ADGRB2: variants seen among roughly 807,000 people sequenced by gnomAD.
The protein encoded by ADGRB2 is brain-specific angiogenesis inhibitor 2.
In ADGRB2, 47 loss-of-function variants were observed where a neutral mutation model predicts 178.7. That is an observed-to-expected ratio of 0.26 (90% CI 0.21 to 0.34). The LOEUF (loss-of-function observed/expected upper bound fraction) is 0.34. Among genes scored for constraint, ADGRB2 ranks in the 10% least tolerant of loss-of-function variants. The pLI is 1.00. For synonymous variants in ADGRB2, 870 were observed against 912.4 expected, an observed-to-expected ratio of 0.95 and a Z score of 0.84; for missense variants, 1,584 against 2,180.8, an observed-to-expected ratio of 0.73 and a Z score of 5.45.
At position 31,739,653 on chromosome 1, in the gene ADGRB2, T is replaced by A. The variant is rs12749187; in HGVS notation, c.2168-18A>T. The A allele has an allele frequency of 6.4e-7, 1 of 1,560,028 alleles. No homozygotes were observed. Among genetic ancestry groups the A allele is most frequent in the East Asian group, 2.3e-5 (1 of 44,266 alleles). ...GCTGATCACTGCAGTGGGAGGAGGGTGGACAGAGACAGACAGAGGGGCAGA... is the reference window on the plus strand; with the variant it reads ...GCTGATCACTGCAGTGGGAGGAGGGAGGACAGAGACAGACAGAGGGGCAGA... On this transcript the variant is annotated intron_variant, in intron 14 of 32. Coordinates refer to ENST00000373658, the MANE Select transcript of ADGRB2 (RefSeq NM_001364857.2).
In ADGRB2 at chr1:31,744,299, C is replaced by T; in HGVS notation, c.981G>A (p.Gln327=). The T allele has an allele frequency of 1.3e-6, 2 of 1,551,426 alleles. No homozygotes were observed. The highest frequency in any genetic ancestry group is 1.7e-6 in the Non-Finnish European group (2 of 1,146,922). The stretch of plus-strand genomic sequence containing the variant: ...AGGAGCGGGTCCGCACCTGCAGACC[C>T]TGCCCACACGTCAGGGAACACACGC... The part of the protein sequence containing the change: ...PWSVCSLTCG[Q]GLQVRTRSCV... The change falls in exon 6 of 33, where the codon CAG becomes CAA. Residue 327 remains glutamine (Q), a synonymous_variant. Coordinates refer to ENST00000373658, the MANE Select transcript of ADGRB2 (RefSeq NM_001364857.2). The surrounding 1 kb of genome is among the most constrained non-coding windows in gnomAD (Gnocchi z 6.7).
chr1:31,735,236 C>T lies in ADGRB2; in HGVS notation c.3399G>A (p.Ala1133=), dbSNP rs894140012. 5 of 1,466,024 alleles carry T rather than the reference C, an allele frequency of 3.4e-6. No homozygotes were observed. The highest frequency in any genetic ancestry group is 2.5e-5 in the East Asian group (1 of 40,062). 90.8% of individuals were successfully genotyped at this position (1,466,024 alleles called of 1,614,324 possible). The change falls in exon 25 of 33, where the codon GCG becomes GCA. Residue 1133 remains alanine (A), a synonymous_variant. Coordinates refer to ENST00000373658, the MANE Select transcript of ADGRB2 (RefSeq NM_001364857.2). The surrounding 1 kb of genome is among the most constrained non-coding windows in gnomAD (Gnocchi z 6.0). The part of the protein sequence containing the change: ...PWASLLLPCS[A]CGAVPSPLLS... ...GCAGGGGGCTGGGGACCGCTCCACACGCTGAGCAGGGGAGGAGCAGGCTGG... is the reference window on the plus strand; with the variant it reads ...GCAGGGGGCTGGGGACCGCTCCACATGCTGAGCAGGGGAGGAGCAGGCTGG...
Position 31,764,046 on chromosome 1 carries a change from A to T in ADGRB2, c.-353T>A. On this transcript the variant is annotated 5_prime_UTR_variant, in exon 1 of 33. Transcript: ENST00000373658. This position sits in a 1 kb window ranked among gnomAD's most constrained non-coding sequence, Gnocchi z 7.3. ...GCTCTCCCGGGCGGCGGGTGCAGAA[A>T]AGGCGCCGCGGAGCAGCGCGGGGCG... 1.1e-6 allele frequency: 1 copy of T among 875,060 alleles called. No individual in the cohort carries two copies. The highest frequency in any genetic ancestry group is 1.4e-6 in the Non-Finnish European group (1 of 737,952). 54.2% of individuals were successfully genotyped at this position (875,060 alleles called of 1,614,324 possible). A position where few individuals can be genotyped will look rare whatever the true frequency, so the allele number is the denominator to read the frequency against.
Position 31,741,682 on chromosome 1 carries a change from C to G in ADGRB2, c.1629G>C (p.Thr543=), listed in dbSNP as rs750260742. The stretch of plus-strand genomic sequence containing the variant: ...TCTCGCCAGCAGCTGCCTTCTTCCA[C>G]GTCATCAGCATCACGTACTCATCCC... ...MCRDEYVMLM[T]WKKAAAGEII... Residue 543 remains threonine (T), a synonymous_variant, in exon 10 of 33, where the codon ACG becomes ACC. Transcript: ENST00000373658. The surrounding 1 kb of genome is among the most constrained non-coding windows in gnomAD (Gnocchi z 6.5). 1.6e-5 allele frequency: 26 copies of G among 1,613,946 alleles called. No individual in the cohort carries two copies. The Middle Eastern group carries it at 4.9e-4, about 31-fold the overall frequency.
chr1:31,739,198 G>A, intron 15 of ADGRB2, 110 bp downstream of exon 15: 1 of 1,196,994 alleles, frequency 8.4e-7, no homozygotes, highest in East Asian at 2.6e-5. Flanking sequence ...CCTGAAGGTG[G>A]AGGAGGCTGC....
In ADGRB2 at chr1:31,756,229, C is replaced by T. The variant is rs774342144; in HGVS notation, c.608G>A (p.Arg203His). ...AGCGCGGCCACACTCCTCACTCCAG[C>T]GGCAGAGCACACCACAGGTGAATTG... ...SSQFTCGVLC[R>H]WSEECGRAAG... The change falls in exon 4 of 33, where the codon CGC becomes CAC. Residue 203 changes from arginine (R) to histidine (H), a missense_variant. Transcript: ENST00000373658. The surrounding 1 kb of genome is among the most constrained non-coding windows in gnomAD (Gnocchi z 8.5). 6.9e-5 allele frequency: 111 copies of T among 1,613,466 alleles called. 1 individual carries two copies. The highest frequency in any genetic ancestry group is 9.1e-5 in the Non-Finnish European group (107 of 1,179,948).
At position 31,744,442 on chromosome 1, in the gene ADGRB2, G is replaced by C; in HGVS notation, c.923-85C>G. 2.6e-6 allele frequency: 4 copies of C among 1,516,244 alleles called. No homozygotes were observed. The highest frequency in any genetic ancestry group is 3.5e-6 in the Non-Finnish European group (4 of 1,129,920). The allele number at this position is 1,516,244 out of a possible 1,614,324, so 93.9% of individuals were successfully genotyped here. A position where few individuals can be genotyped will look rare whatever the true frequency, so the allele number is the denominator to read the frequency against. On this transcript the variant is annotated intron_variant, in intron 5 of 32. Coordinates refer to ENST00000373658, the MANE Select transcript of ADGRB2 (RefSeq NM_001364857.2). The surrounding 1 kb of genome is among the most constrained non-coding windows in gnomAD (Gnocchi z 6.7). ...GGATAGGGGGAGTGGCAGTAAGGTG[G>C]GGGCAGGCATCAGAGGGCTCCTCCT... is the stretch of plus-strand genomic sequence containing the variant.
rs1032785535 is a variant in ADGRB2 at position 31,761,157 on chromosome 1, G to A, written c.-191+2727C>T. On this transcript the variant is annotated intron_variant, in intron 1 of 32. Transcript: ENST00000373658. The surrounding 1 kb of genome is among the most constrained non-coding windows in gnomAD (Gnocchi z 4.2). ...TTTGTTCCCCAATGTCAGGGCTGCCGGGGCAGGCGGGTGATGAGGAGGCTG... is the reference window on the plus strand; with the variant it reads ...TTTGTTCCCCAATGTCAGGGCTGCCAGGGCAGGCGGGTGATGAGGAGGCTG... 4 of 152,252 alleles carry A rather than the reference G, an allele frequency of 2.6e-5. No homozygotes were observed. The highest frequency in any genetic ancestry group is 2.0e-4 in the Admixed American group (3 of 15,278). 9.4% of individuals were successfully genotyped at this position (152,252 alleles called of 1,614,324 possible).
rs375174610 is a variant in ADGRB2 at position 31,731,075 on chromosome 1, C to T, written c.4105G>A (p.Gly1369Ser). ...LSLQPGGGGG[G>S]GEDAPRARPE... is the part of the protein sequence containing the mutation. ...CGGGCCCTGGGGGCATCCTCACCAC[C>T]TCCACCCCCACCGCCAGGCTGCAGG... The change falls in exon 29 of 33, where the codon GGT becomes AGT. Residue 1369 changes from glycine (G) to serine (S), a missense_variant. Gly to Ser is a moderately conservative substitution (Grantham distance 56). Coordinates refer to ENST00000373658, the MANE Select transcript of ADGRB2 (RefSeq NM_001364857.2). The T allele has an allele frequency of 6.7e-5, 106 of 1,577,256 alleles. No individual in the cohort carries two copies. The highest frequency in any genetic ancestry group is 8.6e-5 in the Non-Finnish European group (100 of 1,161,892).
chr1:31,739,644 G>A lies in ADGRB2; in HGVS notation c.2168-9C>T. 1 of 1,568,666 alleles carries A rather than the reference G, an allele frequency of 6.4e-7. No homozygotes were observed. Among genetic ancestry groups the A allele is most frequent in the Non-Finnish European group, 8.7e-7 (1 of 1,154,688 alleles). On this transcript the variant is annotated splice_polypyrimidine_tract_variant and intron_variant, in intron 14 of 32. Coordinates refer to ENST00000373658, the MANE Select transcript of ADGRB2 (RefSeq NM_001364857.2). ...TCGCTGAATGCTGATCACTGCAGTG[G>A]GAGGAGGGTGGACAGAGACAGACAG...
Position 31,735,779 on chromosome 1 carries a change from T to A in ADGRB2, c.3267+48A>T. 1.3e-6 allele frequency: 2 copies of A among 1,594,952 alleles called. No individual in the cohort carries two copies. The highest frequency in any genetic ancestry group is 1.7e-6 in the Non-Finnish European group (2 of 1,168,398). On this transcript the variant is annotated intron_variant, in intron 23 of 32. Transcript: ENST00000373658. This position sits in a 1 kb window ranked among gnomAD's most constrained non-coding sequence, Gnocchi z 6.0. ...GGAGGAGGTAGAGGGAGAAACAGGA[T>A]GACCCTCTGGGGCCATGCCCCTTCC...
chr1:31,729,593 C>A (rs1371626570), intron 29 of ADGRB2, among the ~76,000 whole-genome samples: 3 of 152,268 alleles, frequency 2.0e-5, no homozygotes, highest in African/African-American at 7.2e-5. Flanking sequence ...GCCCCACAGG[C>A]ACTGCACATG....
chr1:31,740,929 T>TACACA lies in ADGRB2; in HGVS notation c.1795-389_1795-388insTGTGT, dbSNP rs1557760334. 1.1e-5 allele frequency among the ~76,000 whole-genome samples: 1 copy of TACACA among 93,770 alleles called. No individual in the cohort carries two copies. Among genetic ancestry groups the TACACA allele is most frequent in the Non-Finnish European group, 2.4e-5 (1 of 42,174 alleles). The allele number at this position is 93,770 out of a possible 152,430, so 61.5% of individuals were successfully genotyped here. On this transcript the variant is annotated intron_variant, in intron 11 of 32. Coordinates refer to ENST00000373658, the MANE Select transcript of ADGRB2 (RefSeq NM_001364857.2). The surrounding 1 kb of genome is among the most constrained non-coding windows in gnomAD (Gnocchi z 5.9). ...CACACACACACACACACACACACTG[T>TACACA]CTTTCTCTCTCTCACTCTCTCTCAA...
At chr1:31,732,920 A>G in intron 26 of ADGRB2, 52 bp downstream of exon 26, 1 of 1,527,848 alleles carries the variant, frequency 6.5e-7, no homozygotes, top group East Asian at 2.4e-5. Context: ...GGAGAAGCCA[A>G]GGGCCTGGCA....
In ADGRB2 at chr1:31,744,462, C is replaced by T. The variant is rs1326240749; in HGVS notation, c.923-105G>A. 7 of 1,481,564 alleles carry T rather than the reference C, an allele frequency of 4.7e-6. No individual in the cohort carries two copies. Among genetic ancestry groups the T allele is most frequent in the Non-Finnish European group, 6.4e-6 (7 of 1,100,342 alleles). 91.8% of individuals were successfully genotyped at this position (1,481,564 alleles called of 1,614,324 possible). On this transcript the variant is annotated intron_variant, in intron 5 of 32. Transcript: ENST00000373658. The surrounding 1 kb of genome is among the most constrained non-coding windows in gnomAD (Gnocchi z 6.7). ...AGGTGGGGGCAGGCATCAGAGGGCT[C>T]CTCCTACCCTGACCCCAAGTAACAG...
Position 31,735,152 on chromosome 1 carries a change from C to T in ADGRB2, c.3452+31G>A. 1 of 1,407,130 alleles carries T rather than the reference C, an allele frequency of 7.1e-7. No individual in the cohort carries two copies. Among genetic ancestry groups the T allele is most frequent in the Non-Finnish European group, 9.3e-7 (1 of 1,071,846 alleles). The allele number at this position is 1,407,130 out of a possible 1,614,324, so 87.2% of individuals were successfully genotyped here. Reference sequence around the variant, plus strand: ...CCCCCCAATTCCTTTGCCCCACCCACCCCCACCGCCCCCCAGGGGGCACGA... The same window carrying T: ...CCCCCCAATTCCTTTGCCCCACCCATCCCCACCGCCCCCCAGGGGGCACGA... On this transcript the variant is annotated intron_variant, in intron 25 of 32. Coordinates refer to ENST00000373658, the MANE Select transcript of ADGRB2 (RefSeq NM_001364857.2). The surrounding 1 kb of genome is among the most constrained non-coding windows in gnomAD (Gnocchi z 6.0).
intron 6 of ADGRB2, chr1:31,743,639 A>C (rs1646110524): frequency 6.5e-6 from 1 of 153,226 alleles, no homozygotes; most frequent in East Asian, 1.9e-4. Flanking sequence ...AGCAAGGAGC[A>C]GGACTGGCTG....
Position 31,761,262 on chromosome 1 carries a change from G to A in ADGRB2, c.-191+2622C>T, listed in dbSNP as rs1647035609. Among the ~76,000 whole-genome samples, 1 of 152,124 alleles carries A rather than the reference G, an allele frequency of 6.6e-6. No homozygotes were observed. The highest frequency in any genetic ancestry group is 1.5e-5 in the Non-Finnish European group (1 of 67,990). On this transcript the variant is annotated intron_variant, in intron 1 of 32. Coordinates refer to ENST00000373658, the MANE Select transcript of ADGRB2 (RefSeq NM_001364857.2). This position sits in a 1 kb window ranked among gnomAD's most constrained non-coding sequence, Gnocchi z 4.2. ...TCACAGGTTCGAGTCCCCTTCCTCC[G>A]TGCCACCTTCCCTGCCCCCAAGCTA...
rs1041192866 is a variant in ADGRB2 at position 31,733,194 on chromosome 1, T to G, written c.3453-51A>C. ...CAGAGTGACACTCCGGGGGACAGGA[T>G]GGCTTGAGCCTAGGCCTCCACTCAG... is the stretch of plus-strand genomic sequence containing the variant. On this transcript the variant is annotated intron_variant, in intron 25 of 32. Coordinates refer to ENST00000373658, the MANE Select transcript of ADGRB2 (RefSeq NM_001364857.2). The surrounding 1 kb of genome is among the most constrained non-coding windows in gnomAD (Gnocchi z 4.3). 6.5e-7 allele frequency: 1 copy of G among 1,537,460 alleles called. No homozygotes were observed. The highest frequency in any genetic ancestry group is 8.8e-7 in the Non-Finnish European group (1 of 1,139,772).
Sources: gnomAD v4.1 joint callset for allele counts (sites outside exome capture counted in the v4.1 genomes callset) on GRCh38, gnomAD v4.1.1 for gene constraint, Gnocchi (gnomAD v3.1) non-coding constraint, MANE v1.5 for transcripts, NCBI Gene and HGNC (gene_info 2026-07-23, HGNC 2026-07-21) for gene names.